MORC2: variants seen among roughly 807,000 people sequenced by gnomAD.
The protein encoded by MORC2 is ATPase MORC2.
In MORC2, 30 loss-of-function variants were observed where a neutral mutation model predicts 136.0. The ratio of observed to expected loss-of-function variants is 0.22; its 90% confidence interval spans 0.17 to 0.30. The LOEUF (loss-of-function observed/expected upper bound fraction) is 0.30, where lower values mean the gene tolerates loss of function less well. Ranked by LOEUF, MORC2 falls within the 10% of genes least tolerant of loss-of-function variation. MORC2 has a pLI of 1.00. For synonymous variants in MORC2, 439 were observed against 487.0 expected (o/e 0.90, Z 1.30); for missense variants, 922 against 1,333.1 (o/e 0.69, Z 4.80).
rs1197120228 is a variant in MORC2, at chr22:30,935,232, G to A, written c.1812+16C>T. On this transcript the variant is annotated intron_variant, in intron 18 of 25. Transcript: ENST00000397641. ...GACACCTGAGGAAAAGCCCTTCCCA[G>A]GCCCCTGGACTTCACCTCAGTGGAA... The A allele has an allele frequency of 6.2e-7, 1 of 1,612,966 alleles. No homozygotes were observed. The highest frequency in any genetic ancestry group is 1.3e-5 in the African/African-American group (1 of 74,890).
At chr22:30,961,857 A>C (rs2041051098) in intron 1 of MORC2, among the ~76,000 whole-genome samples, 1 of 152,220 alleles carries the variant, frequency 6.6e-6, no homozygotes, top group Non-Finnish European at 1.5e-5. Flanking sequence ...TTAGAATGCA[A>C]TAAGCAGATC....
intron 1 of MORC2, among the ~76,000 whole-genome samples, chr22:30,960,338 G>T (rs1038234810): frequency 2.0e-5 from 3 of 152,178 alleles, no homozygotes; most frequent in Non-Finnish European, 4.4e-5. Context: ...AACAAGATCA[G>T]TGAATATATG....
At chr22:30,942,939 AG>A (rs2040762158) in intron 6 of MORC2, among the ~76,000 whole-genome samples, 1 of 152,186 alleles carries the variant, frequency 6.6e-6, no homozygotes, top group Non-Finnish European at 1.5e-5. Context: ...TGGGAGGCGG[AG>A]GTTGCAGTGA....
At chr22:30,960,773 A>G (rs1280358482) in intron 1 of MORC2, among the ~76,000 whole-genome samples, 9 of 146,410 alleles carry the variant, frequency 6.1e-5, no homozygotes, top group African/African-American at 2.3e-4. Context: ...TTACAGCCAT[A>G]AGCCGCCACA....
intron 17 of MORC2, among the ~76,000 whole-genome samples, chr22:30,935,693 G>A (rs1048901913): frequency 1.3e-5 from 2 of 152,164 alleles, no homozygotes; most frequent in African/African-American, 4.8e-5. Context: ...GGGTTAGTGA[G>A]AGCACATCTG....
intron 1 of MORC2, among the ~76,000 whole-genome samples, chr22:30,964,775 A>T (rs2041100552): frequency 6.6e-6 from 1 of 152,208 alleles, no homozygotes; most frequent in Non-Finnish European, 1.5e-5. Context: ...GTTATCAAAG[A>T]CCTGATACAA....
chr22:30,967,749 T>G, intron 1 of MORC2, 73 bp downstream of exon 1: 1 of 1,543,064 alleles, frequency 6.5e-7, no homozygotes, highest in Non-Finnish European at 8.8e-7. Context: ...CAAAATTTTC[T>G]GGGGAAACGA....
rs536305057 is a variant in MORC2 at position 30,931,920 on chromosome 22, CA to C, written c.2841+438del. 2.2e-4 allele frequency among the ~76,000 whole-genome samples: 33 copies of C among 152,352 alleles called. No homozygotes were observed. In the South Asian group the frequency reaches 6.6e-3, roughly 31 times the overall value. The stretch of plus-strand genomic sequence containing the variant: ...AGCATTTGCTGGGTTAAGTAAGATC[CA>C]ATGCTTATGTCCACACATCACAAGT... On this transcript the variant is annotated intron_variant, in intron 24 of 25. Transcript: ENST00000397641.
chr22:30,966,559 G>T (rs1014099190), intron 1 of MORC2, among the ~76,000 whole-genome samples: 4 of 152,158 alleles, frequency 2.6e-5, no homozygotes, highest in Non-Finnish European at 4.4e-5. Flanking sequence ...TGGATCACCT[G>T]AAGTCAGGAG....
chr22:30,955,026 T>C (rs894625982), intron 3 of MORC2, among the ~76,000 whole-genome samples: 1 of 149,022 alleles, frequency 6.7e-6, no homozygotes, highest in Non-Finnish European at 1.5e-5. Context: ...TGGTGCGATC[T>C]TGGCTCATGG....
At chr22:30,928,567 C>T (rs1181496590) in intron 24 of MORC2, among the ~76,000 whole-genome samples, 1 of 152,212 alleles carries the variant, frequency 6.6e-6, no homozygotes, top group East Asian at 1.9e-4. Flanking sequence ...GACTTCAGTA[C>T]AGCCCTTTCA....
chr22:30,949,858 C>A lies in MORC2; in HGVS notation c.227-16G>T. 1 of 1,612,734 alleles carries A rather than the reference C, an allele frequency of 6.2e-7. No individual in the cohort carries two copies. The highest frequency in any genetic ancestry group is 8.5e-7 in the Non-Finnish European group (1 of 1,178,952). On this transcript the variant is annotated splice_polypyrimidine_tract_variant and intron_variant, in intron 4 of 25. Transcript: ENST00000397641. ...GCAGCATCACCTGAAAGGGCAGACA[C>A]AAGAGAAAGTGAAAAGTTTGCATTT... is the stretch of plus-strand genomic sequence containing the variant.
intron 1 of MORC2, among the ~76,000 whole-genome samples, chr22:30,966,723 A>G (rs2041134045): frequency 6.6e-6 from 1 of 152,206 alleles, no homozygotes; most frequent in African/African-American, 2.4e-5. Context: ...GGTTGCAGTG[A>G]GCCAAGATTG....
intron 17 of MORC2, among the ~76,000 whole-genome samples, chr22:30,936,165 G>A (rs1249563777): frequency 6.6e-6 from 1 of 152,106 alleles, no homozygotes; most frequent in Non-Finnish European, 1.5e-5. Context: ...GTTATGTGTA[G>A]GTATTCATGA....
chr22:30,966,773 G>A (rs187834562), intron 1 of MORC2, among the ~76,000 whole-genome samples: 492 of 152,092 alleles, frequency 3.2e-3, no homozygotes, highest in Middle Eastern at 0.01. Context: ...GCAAGACTCC[G>A]TCTCTCAAAA....
rs35374135 is a variant in MORC2 at position 30,960,808 on chromosome 22, C to CA, written c.69-2115dup. On this transcript the variant is annotated intron_variant, in intron 1 of 25. Coordinates refer to ENST00000397641, the MANE Select transcript of MORC2 (RefSeq NM_001303256.3). ...ACCCGGCTGGAAAAGACAGATTTCT[C>CA]AAAAAAAAAAAAAAAAAAAGTCCAT... 7.7e-3 allele frequency among the ~76,000 whole-genome samples: 750 copies of CA among 97,692 alleles called. 4 individuals carry two copies. Among genetic ancestry groups the CA allele is most frequent in the African/African-American group, 0.013 (386 of 28,954 alleles). The allele number at this position is 97,692 out of a possible 152,430, so 64.1% of individuals were successfully genotyped here.
chr22:30,933,118 G>T, intron 21 of MORC2, 88 bp from the exon 22 acceptor site: 1 of 1,560,064 alleles, frequency 6.4e-7, no homozygotes. Flanking sequence ...CAGTCCCCAG[G>T]GTTTGGAGGA....
chr22:30,958,591 C>CT, intron 2 of MORC2, 50 bp downstream of exon 2: 1 of 1,449,576 alleles, frequency 6.9e-7, no homozygotes, highest in Non-Finnish European at 9.4e-7. Context: ...TCACAGCTAC[C>CT]TAAAGTGTTT....
intron 2 of MORC2, among the ~76,000 whole-genome samples, chr22:30,957,478 T>C (rs2040983140): frequency 6.6e-6 from 1 of 152,236 alleles, no homozygotes; most frequent in Non-Finnish European, 1.5e-5. Context: ...TCACTGGTTT[T>C]ACATGCAAAA....
Sources: allele counts gnomAD v4.1 joint callset (sites outside exome capture counted in the v4.1 genomes callset), GRCh38; gene constraint gnomAD v4.1.1; transcripts MANE v1.5; gene names NCBI Gene and HGNC (gene_info 2026-07-23, HGNC 2026-07-21).